The following MALRD1 variants were observed in gnomAD, a reference collection of about 807,000 sequenced individuals.
MALRD1 encodes MAM and LDL receptor class A domain containing 1, also known as MAM and LDL-receptor class A domain-containing protein 1.
Under a neutral mutation model 242.1 loss-of-function variants are expected in MALRD1, and 247 were observed. That is an observed-to-expected ratio of 1.02 (90% CI 0.92 to 1.13). The LOEUF (loss-of-function observed/expected upper bound fraction) is 1.13. MALRD1 is among the 50% of genes most tolerant of loss of function. The pLI is 0.00. For missense variants in MALRD1, 2,989 were observed against 2,533.1 expected, an observed-to-expected ratio of 1.18 and a Z score of -3.86; for synonymous variants, 995 against 866.6, an observed-to-expected ratio of 1.15 and a Z score of -2.60.
chr10:19,529,376 A>G (rs886484995), intron 31 of MALRD1, among the ~76,000 whole-genome samples: 3 of 152,180 alleles, frequency 2.0e-5, no homozygotes, highest in South Asian at 4.1e-4. Context: ...GTATGATGAT[A>G]TTTGACAGAG....
intron 38 of MALRD1, chr10:19,728,453 G>A (rs1382443191): frequency 6.6e-6 from 1 of 152,194 alleles, no homozygotes; most frequent in East Asian, 1.9e-4. Context: ...AGTCCCAGCA[G>A]TTTAAGACCA....
intron 7 of MALRD1, among the ~76,000 whole-genome samples, chr10:19,125,341 C>CT (rs1564408022): frequency 1.1e-5 from 1 of 89,284 alleles, no homozygotes; most frequent in Non-Finnish European, 2.2e-5. Context: ...TTCTTTCTTT[C>CT]TTTCTTTCTT....
intron 31 of MALRD1, among the ~76,000 whole-genome samples, chr10:19,508,284 A>T (rs1017177208): frequency 6.6e-6 from 1 of 152,132 alleles, no homozygotes; most frequent in Admixed American, 6.5e-5. Context: ...AAATTTCAGA[A>T]TGATTTAGAG....
In MALRD1 at chr10:19,355,899, A is replaced by G. The variant is rs1054763210; in HGVS notation, c.4441+3602A>G. 1.0e-4 allele frequency among the ~76,000 whole-genome samples: 13 copies of G among 130,166 alleles called. No homozygotes were observed. The East Asian group carries it at 2.5e-3, about 25-fold the overall frequency. The allele number at this position is 130,166 out of a possible 152,430, so 85.4% of individuals were successfully genotyped here. A position where few individuals can be genotyped will look rare whatever the true frequency, so the allele number is the denominator to read the frequency against. ...TTAGCTAAGCATATATATATGTTGA[A>G]TATATATATATGCTGAGGTTATATA... On this transcript the variant is annotated intron_variant, in intron 26 of 39. Transcript: ENST00000454679.
At chr10:19,440,384 G>T (rs547890718) in intron 28 of MALRD1, among the ~76,000 whole-genome samples, 1 of 151,828 alleles carries the variant, frequency 6.6e-6, no homozygotes, top group Non-Finnish European at 1.5e-5. Flanking sequence ...TAGGGTACAT[G>T]TGCACAACAT....
At chr10:19,261,708 C>G (rs1435130020) in intron 19 of MALRD1, among the ~76,000 whole-genome samples, 1 of 151,570 alleles carries the variant, frequency 6.6e-6, no homozygotes, top group Non-Finnish European at 1.5e-5. Flanking sequence ...TTACCTACAA[C>G]TTTTATTTTA....
At chr10:19,052,108 A>G in intron 1 of MALRD1, 1 of 457,768 alleles carries the variant, frequency 2.2e-6, no homozygotes. Flanking sequence ...GCAAAATGGC[A>G]GAATTCATAT....
At chr10:19,706,534 A>G (rs1002812210) in intron 38 of MALRD1, among the ~76,000 whole-genome samples, 3 of 152,082 alleles carry the variant, frequency 2.0e-5, no homozygotes, top group African/African-American at 7.2e-5. Context: ...TATTTTTAGT[A>G]GAGACAGGAT....
intron 13 of MALRD1, among the ~76,000 whole-genome samples, chr10:19,171,882 GTA>G (rs917866226): frequency 7.3e-5 from 9 of 122,924 alleles, no homozygotes; most frequent in East Asian, 2.4e-4. Context: ...ACGTATATAC[GTA>G]TATATATGAT....
At chr10:19,397,625 G>T (rs10740886) in intron 28 of MALRD1, among the ~76,000 whole-genome samples, 89,897 of 151,920 alleles carry the variant, frequency 0.59, 27,320 homozygotes, top group Non-Finnish European at 0.67. Context: ...AGATTATACG[G>T]TAGCTCTGTT....
At chr10:19,536,692 A>G (rs1317272765) in intron 32 of MALRD1, among the ~76,000 whole-genome samples, 1 of 152,182 alleles carries the variant, frequency 6.6e-6, no homozygotes, top group Non-Finnish European at 1.5e-5. Flanking sequence ...ATAATAAAAA[A>G]AAAATTGAGT....
intron 39 of MALRD1, among the ~76,000 whole-genome samples, chr10:19,731,935 T>A (rs1835312509): frequency 6.6e-6 from 1 of 152,192 alleles, no homozygotes; most frequent in South Asian, 2.1e-4. Context: ...TCTGGTAGTT[T>A]AAGAGCCTTG....
chr10:19,300,773 G>A (rs1302805878), intron 21 of MALRD1, among the ~76,000 whole-genome samples: 1 of 151,918 alleles, frequency 6.6e-6, no homozygotes, highest in African/African-American at 2.4e-5. Flanking sequence ...AGAAATCCTA[G>A]GAAATACTAT....
chr10:19,590,180 A>C (rs1837690467), intron 33 of MALRD1, among the ~76,000 whole-genome samples: 1 of 151,660 alleles, frequency 6.6e-6, no homozygotes, highest in African/African-American at 2.4e-5. Flanking sequence ...AGAACATAGA[A>C]ATTTTAAGAG....
chr10:19,716,826 T>A (rs1458440539), intron 38 of MALRD1: 1 of 152,206 alleles, frequency 6.6e-6, no homozygotes, highest in Non-Finnish European at 1.5e-5. Flanking sequence ...CCATCATGCA[T>A]GTTACATTTA....
At chr10:19,413,050 T>TA (rs1366432138) in intron 28 of MALRD1, among the ~76,000 whole-genome samples, 2 of 152,018 alleles carry the variant, frequency 1.3e-5, no homozygotes. Flanking sequence ...AGAAAAAAAA[T>TA]AATAGTTAAC....
At chr10:19,125,053 C>A (rs1837208875) in intron 7 of MALRD1, among the ~76,000 whole-genome samples, 1 of 130,824 alleles carries the variant, frequency 7.6e-6, no homozygotes, top group East Asian at 2.5e-4. Context: ...TCAAGTGATT[C>A]TCCTGTCTCA....
At chr10:19,353,516 T>A (rs1844489288) in intron 26 of MALRD1, among the ~76,000 whole-genome samples, 1 of 152,184 alleles carries the variant, frequency 6.6e-6, no homozygotes, top group African/African-American at 2.4e-5. Context: ...GTATTTTCAT[T>A]TGGTTACAAA....
chr10:19,387,679 A>T lies in MALRD1; in HGVS notation c.4593A>T (p.Gln1531His). ...TTGAAAAAGGCTGGTGTGGCTGGCA[A>T]AACTCCCAGGCTGACAACTTTGATT... is the stretch of plus-strand genomic sequence containing the variant. ...CTFEKGWCGWQNSQADNFDWV... is the reference protein window; with the variant it reads ...CTFEKGWCGWHNSQADNFDWV... Residue 1531 changes from glutamine to histidine, a missense_variant, in exon 27 of 40, where the codon CAA becomes CAT. Physicochemically the swap from Gln to His is conservative, Grantham distance 24 (BLOSUM62 0). Coordinates refer to ENST00000454679, the MANE Select transcript of MALRD1 (RefSeq NM_001142308.3). 6.4e-7 allele frequency: 1 copy of T among 1,550,410 alleles called. No homozygotes were observed. Among genetic ancestry groups the T allele is most frequent in the Non-Finnish European group, 8.7e-7 (1 of 1,146,880 alleles).
Sources: gnomAD v4.1 joint callset for allele counts (sites outside exome capture counted in the v4.1 genomes callset) on GRCh38, gnomAD v4.1.1 for gene constraint, MANE v1.5 for transcripts, NCBI Gene and HGNC (gene_info 2026-07-23, HGNC 2026-07-21) for gene names.